KSR2: variants seen among roughly 807,000 people sequenced by gnomAD.
KSR2 encodes kinase suppressor of ras 2.
Under a neutral mutation model 107.8 loss-of-function variants are expected in KSR2, and 25 were observed. The observed-to-expected ratio is 0.23, with a 90% CI of 0.17 to 0.32. The LOEUF is 0.32. KSR2 is among the 10% of genes least tolerant of loss of function. KSR2 has a pLI of 1.00. For missense variants in KSR2, 887 were observed against 1,268.9 expected, an observed-to-expected ratio of 0.70 and a Z score of 4.57; for synonymous variants, 480 against 507.0, an observed-to-expected ratio of 0.95 and a Z score of 0.71.
intron 8 of KSR2, among the ~76,000 whole-genome samples, chr12:117,556,029 C>T (rs985221774): frequency 1.3e-4 from 20 of 152,042 alleles, no homozygotes; most frequent in Admixed American, 3.3e-4. Flanking sequence ...GTTTAAGCTC[C>T]GGATTGACCC....
intron 3 of KSR2, among the ~76,000 whole-genome samples, chr12:117,839,550 G>A (rs1227963346): frequency 1.3e-5 from 2 of 152,162 alleles, no homozygotes; most frequent in African/African-American, 2.4e-5. Context: ...ATATTTTATC[G>A]TTATTATTTT....
At chr12:117,957,197 G>C (rs925350010) in intron 1 of KSR2, among the ~76,000 whole-genome samples, 23 of 152,044 alleles carry the variant, frequency 1.5e-4, no homozygotes, top group African/African-American at 3.6e-4. Flanking sequence ...GTCCACAGGA[G>C]AGCAGTAAAC....
At chr12:117,540,528 A>T (rs1418941137) in intron 9 of KSR2, among the ~76,000 whole-genome samples, 1 of 152,246 alleles carries the variant, frequency 6.6e-6, no homozygotes, top group African/African-American at 2.4e-5. Context: ...CTTTGCAGAC[A>T]TAATTTAAGG....
At chr12:117,647,881 A>T (rs1883722054) in intron 5 of KSR2, among the ~76,000 whole-genome samples, 1 of 151,730 alleles carries the variant, frequency 6.6e-6, no homozygotes, top group African/African-American at 2.4e-5. Context: ...TTTTACCTTT[A>T]TTTTTTTGTA....
intron 5 of KSR2, among the ~76,000 whole-genome samples, chr12:117,657,898 A>G (rs916518135): frequency 6.6e-6 from 1 of 152,254 alleles, no homozygotes; most frequent in Non-Finnish European, 1.5e-5. Flanking sequence ...TGAGGCATGA[A>G]ACAAATACTC....
At position 117,893,321 on chromosome 12, in the gene KSR2, C is replaced by T. The variant is rs549768609; in HGVS notation, c.181-32890G>A. On this transcript the variant is annotated intron_variant, in intron 1 of 19. Transcript: ENST00000339824. ...CATGAGCCACTGTGCCCAGCGAGAC[C>T]ATATATAGACTAAAAATGTCTTTTC... Among the ~76,000 whole-genome samples, 7 of 152,144 alleles carry T rather than the reference C, an allele frequency of 4.6e-5. No individual in the cohort carries two copies. The South Asian group carries it at 1.5e-3, about 32-fold the overall frequency.
intron 1 of KSR2, among the ~76,000 whole-genome samples, chr12:117,950,057 T>C (rs10850941): frequency 0.38 from 57,356 of 150,738 alleles, 11,140 homozygotes; most frequent in African/African-American, 0.43. Context: ...CACTGCAACC[T>C]CCGCCTCCTG....
At chr12:117,772,212 TAC>T (rs61264935) in intron 3 of KSR2, among the ~76,000 whole-genome samples, 8,670 of 48,664 alleles carry the variant, frequency 0.18, 703 homozygotes, top group East Asian at 0.33. Flanking sequence ...CACACACTCA[TAC>T]ACACACACCA....
At chr12:117,563,208 A>C (rs1878237875) in intron 7 of KSR2, among the ~76,000 whole-genome samples, 1 of 152,174 alleles carries the variant, frequency 6.6e-6, no homozygotes, top group Admixed American at 6.5e-5. Flanking sequence ...TCACTCTCCA[A>C]GGTCCTGATT....
chr12:117,761,306 C>T lies in KSR2; in HGVS notation c.691G>A (p.Ala231Thr), dbSNP rs775572595. ...YTHVDRLTVDAYPGLCPPPPL... is the reference protein window; with the variant it reads ...YTHVDRLTVDTYPGLCPPPPL... ...GGGGGCGGGCACAAGCCCGGGTAGG[C>T]GTCCACGGTAAGCCTGTCCACGTGG... The change falls in exon 4 of 20, where the codon GCC (alanine) becomes ACC (threonine). Residue 231 changes from alanine to threonine, a missense_variant. By Grantham distance (58) the Ala-to-Thr change is moderately conservative. This residue lies in a region of KSR2 where 399 missense variants were observed against 479.5 expected (regional missense o/e 0.83). Coordinates refer to ENST00000339824, the MANE Select transcript of KSR2 (RefSeq NM_173598.6). The T allele has an allele frequency of 2.0e-6, 3 of 1,524,732 alleles. No homozygotes were observed. Among genetic ancestry groups the T allele is most frequent in the Non-Finnish European group, 2.6e-6 (3 of 1,140,420 alleles). 94.5% of individuals were successfully genotyped at this position (1,524,732 alleles called of 1,614,324 possible). A position where few individuals can be genotyped will look rare whatever the true frequency, so the allele number is the denominator to read the frequency against.
chr12:117,757,042 G>A (rs1295212428), intron 4 of KSR2, among the ~76,000 whole-genome samples: 3 of 133,074 alleles, frequency 2.3e-5, no homozygotes, highest in African/African-American at 8.9e-5. Context: ...GTGACAGAGT[G>A]AGACTCCATC....
At chr12:117,726,616 C>G (rs1887435754) in intron 4 of KSR2, among the ~76,000 whole-genome samples, 1 of 152,194 alleles carries the variant, frequency 6.6e-6, no homozygotes, top group South Asian at 2.1e-4. Flanking sequence ...CAGACATTGC[C>G]AAATGTTGTC....
intron 4 of KSR2, among the ~76,000 whole-genome samples, chr12:117,672,089 T>C (rs1361259569): frequency 6.6e-6 from 1 of 152,016 alleles, no homozygotes; most frequent in Non-Finnish European, 1.5e-5. Context: ...CCTCCAGTTA[T>C]AGCAGCACAT....
At chr12:117,489,148 T>TTGTGTG (rs149009044) in intron 14 of KSR2, among the ~76,000 whole-genome samples, 1 of 148,964 alleles carries the variant, frequency 6.7e-6, no homozygotes, top group African/African-American at 2.5e-5. Flanking sequence ...GTGATGGCCC[T>TTGTGTG]TGTGTGTGTG....
chr12:117,887,258 G>C (rs1894205022), intron 1 of KSR2, among the ~76,000 whole-genome samples: 1 of 151,542 alleles, frequency 6.6e-6, no homozygotes, highest in African/African-American at 2.4e-5. Flanking sequence ...TTCGGTTTTT[G>C]TTTTGTTTTG....
At chr12:117,612,927 G>A (rs1050777950) in intron 5 of KSR2, among the ~76,000 whole-genome samples, 3 of 152,182 alleles carry the variant, frequency 2.0e-5, no homozygotes, top group African/African-American at 7.2e-5. Context: ...CTGGAAAGAT[G>A]TACCTTGCTT....
rs532726773 is a variant in KSR2, at chr12:117,695,053, G to T, written c.987-27395C>A. 7.8e-4 allele frequency among the ~76,000 whole-genome samples: 118 copies of T among 152,088 alleles called. 1 individual carries two copies. The highest frequency in any genetic ancestry group is 2.8e-3 in the African/African-American group (115 of 41,486). On this transcript the variant is annotated intron_variant, in intron 4 of 19. Coordinates refer to ENST00000339824, the MANE Select transcript of KSR2 (RefSeq NM_173598.6). ...TTTAGTAGAGACAGGGTTTCACCAT[G>T]TTGGCCAGGATGGTCTCAATTTCTT...
chr12:117,696,571 T>C (rs1375342541), intron 4 of KSR2, among the ~76,000 whole-genome samples: 2 of 152,044 alleles, frequency 1.3e-5, no homozygotes, highest in African/African-American at 2.4e-5. Flanking sequence ...TGGAAGGGGA[T>C]TCAGATCCAG....
chr12:117,672,591 G>T (rs1317319548), intron 4 of KSR2, among the ~76,000 whole-genome samples: 1 of 152,074 alleles, frequency 6.6e-6, no homozygotes, highest in Non-Finnish European at 1.5e-5. Flanking sequence ...AGCCAACATT[G>T]AAGCCAAGCT....
Sources: allele counts gnomAD v4.1 joint callset (sites outside exome capture counted in the v4.1 genomes callset), GRCh38; gene constraint gnomAD v4.1.1; regional missense constraint gnomAD v4.1.1; transcripts MANE v1.5; gene names NCBI Gene and HGNC (gene_info 2026-07-23, HGNC 2026-07-21).